TMEM47: variants seen among roughly 807,000 people sequenced by gnomAD.
TMEM47 encodes transmembrane protein 47, also known as brain cell membrane protein 1.
In TMEM47, 3 loss-of-function variants were observed where a neutral mutation model predicts 12.4. The ratio of observed to expected loss-of-function variants is 0.24; its 90% CI spans 0.11 to 0.63. The LOEUF is 0.63. Ranked by LOEUF, TMEM47 falls within the 20% of genes least tolerant of loss-of-function variation. The pLI is 0.86. For synonymous variants in TMEM47, 62 were observed against 63.3 expected, an observed-to-expected ratio of 0.98 and a Z score of 0.10; for missense variants, 89 against 143.8, an observed-to-expected ratio of 0.62 and a Z score of 1.95.
intron 2 of TMEM47, among the ~76,000 whole-genome samples, chrX:34,633,436 A>G (rs936388863): frequency 9.0e-6 from 1 of 111,275 alleles, no homozygotes; most frequent in African/African-American, 3.3e-5. Flanking sequence ...TATCTGGTGC[A>G]CTGGAACAGA....
At chrX:34,639,525 G>A in intron 1 of TMEM47, 138 bp from the exon 2 acceptor site, 1 of 632,662 alleles carries the variant, frequency 1.6e-6, no homozygotes, top group South Asian at 3.2e-5. Context: ...GGTTTGAAAT[G>A]TTTTGCAACA....
At chrX:34,636,298 G>C (rs1921715215) in intron 2 of TMEM47, among the ~76,000 whole-genome samples, 1 of 111,311 alleles carries the variant, frequency 9.0e-6, no homozygotes, top group South Asian at 3.8e-4. Context: ...ATCAGCTGCA[G>C]GACCCTGAAA....
At chrX:34,651,037 T>A (rs1922009664) in intron 1 of TMEM47, among the ~76,000 whole-genome samples, 1 of 111,808 alleles carries the variant, frequency 8.9e-6, no homozygotes, top group South Asian at 3.8e-4. Flanking sequence ...AGAATGCAGA[T>A]TTGCAGTTAG....
intron 2 of TMEM47, among the ~76,000 whole-genome samples, chrX:34,637,693 T>A (rs1291743466): frequency 1.8e-5 from 2 of 111,015 alleles, no homozygotes; most frequent in African/African-American, 6.6e-5. Context: ...GTCATTTTTA[T>A]ATCATTCATT....
At chrX:34,639,963 C>A (rs1921786499) in intron 1 of TMEM47, among the ~76,000 whole-genome samples, 1 of 111,396 alleles carries the variant, frequency 9.0e-6, no homozygotes, top group South Asian at 3.8e-4. Flanking sequence ...TTAAGTTTCT[C>A]ATATTCATCC....
chrX:34,635,039 A>G (rs1921690883), intron 2 of TMEM47, among the ~76,000 whole-genome samples: 2 of 111,610 alleles, frequency 1.8e-5, no homozygotes, highest in Non-Finnish European at 3.8e-5. Flanking sequence ...CTGACTTCCA[A>G]TTGCCAGCAC....
chrX:34,627,610 A>G lies in TMEM47; in HGVS notation c.*2703T>C, dbSNP rs943763515. The G allele has an allele frequency of 8.9e-6, 1 of 112,161 alleles. No individual in the cohort carries two copies. The highest frequency in any genetic ancestry group is 3.2e-5 in the African/African-American group (1 of 30,864). 9.2% of individuals were successfully genotyped at this position (112,161 alleles called of 1,213,427 possible). On this transcript the variant is annotated 3_prime_UTR_variant, in exon 3 of 3. Transcript: ENST00000275954. ...TACATGTTGAACTTACAAAAAGCTA[A>G]ATAATTGTGCAAGAAATCGGAATAA...
rs770966610 is a variant in TMEM47, at chrX:34,636,530, A to G, written c.367+2717T>C. On this transcript the variant is annotated intron_variant, in intron 2 of 2. Transcript: ENST00000275954. ...TGACCTGCGGATAGTTCAAAAGTAG[A>G]CAATAAAAGAAGAGAACGTGGCAAG... Among the ~76,000 whole-genome samples the G allele has an allele frequency of 1.3e-4, 15 of 112,151 alleles. No individual in the cohort carries two copies. In the South Asian group the frequency reaches 5.6e-3, roughly 42 times the overall value.
chrX:34,652,602 A>T (rs1299765769), intron 1 of TMEM47, among the ~76,000 whole-genome samples: 3 of 112,226 alleles, frequency 2.7e-5, no homozygotes, highest in African/African-American at 9.7e-5. Flanking sequence ...TGAGCAAAAG[A>T]GAAATTATAT....
In TMEM47 at chrX:34,630,163, G is replaced by A. The variant is rs10522027; in HGVS notation, c.*150C>T. 0.17 allele frequency: 88,086 copies of A among 525,871 alleles called. 6,739 individuals carry two copies. The highest frequency in any genetic ancestry group is 0.46 in the East Asian group (12,631 of 27,712). The allele number at this position is 525,871 out of a possible 1,213,427, so 43.3% of individuals were successfully genotyped here. A position where few individuals can be genotyped will look rare whatever the true frequency, so the allele number is the denominator to read the frequency against. On this transcript the variant is annotated 3_prime_UTR_variant, in exon 3 of 3. Coordinates refer to ENST00000275954, the MANE Select transcript of TMEM47 (RefSeq NM_031442.4). ...AATGGATGTAAAAGCTGGTTATGAT[G>A]TTGACAGCCAAAAGGCAAAAAAGAT...
intron 1 of TMEM47, among the ~76,000 whole-genome samples, chrX:34,652,060 A>C (rs928810154): frequency 1.8e-5 from 2 of 112,236 alleles, no homozygotes; most frequent in African/African-American, 6.5e-5. Context: ...GAGGACATTA[A>C]GTTGTATGAG....
chrX:34,634,894 A>G (rs775422352), intron 2 of TMEM47, among the ~76,000 whole-genome samples: 2 of 112,575 alleles, frequency 1.8e-5, no homozygotes, highest in South Asian at 7.4e-4. Flanking sequence ...AGTTCATACT[A>G]TAATACCATA....
intron 2 of TMEM47, among the ~76,000 whole-genome samples, chrX:34,634,445 G>A (rs1921677990): frequency 9.2e-6 from 1 of 108,489 alleles, no homozygotes. Context: ...TTCTAAGAAG[G>A]ACATTTCACT....
chrX:34,640,372 T>G (rs909263722), intron 1 of TMEM47, among the ~76,000 whole-genome samples: 3 of 112,214 alleles, frequency 2.7e-5, no homozygotes, highest in Non-Finnish European at 5.6e-5. Flanking sequence ...TGAAATGCAT[T>G]CATTTCTTAT....
chrX:34,644,664 C>G (rs72626892), intron 1 of TMEM47, among the ~76,000 whole-genome samples: 5,066 of 111,393 alleles, frequency 0.045, 247 homozygotes, highest in African/African-American at 0.15. Context: ...GCACATAATG[C>G]CTATTTCCTT....
Position 34,627,811 on chromosome X carries a change from T to A in TMEM47, c.*2502A>T, listed in dbSNP as rs989480486. 4.5e-5 allele frequency: 5 copies of A among 112,075 alleles called. No homozygotes were observed. The highest frequency in any genetic ancestry group is 1.6e-4 in the African/African-American group (5 of 30,814). 9.2% of individuals were successfully genotyped at this position (112,075 alleles called of 1,213,427 possible). Reference sequence around the variant, plus strand: ...TAAAGCTGCAAAGACATAATGTTAATGTAGGTGAAAATTTCACTTGTGTTT... The same window carrying A: ...TAAAGCTGCAAAGACATAATGTTAAAGTAGGTGAAAATTTCACTTGTGTTT... On this transcript the variant is annotated 3_prime_UTR_variant, in exon 3 of 3. Transcript: ENST00000275954.
chrX:34,644,558 T>C (rs1921876774), intron 1 of TMEM47, among the ~76,000 whole-genome samples: 1 of 112,290 alleles, frequency 8.9e-6, no homozygotes, highest in Non-Finnish European at 1.9e-5. Flanking sequence ...TCACCTCATT[T>C]AGAAACCTTT....
intron 1 of TMEM47, among the ~76,000 whole-genome samples, chrX:34,655,299 T>C (rs766510099): frequency 1.5e-4 from 17 of 111,826 alleles, no homozygotes; most frequent in African/African-American, 5.2e-4. Flanking sequence ...AATTTTATTA[T>C]TGAAGAGGGG....
At chrX:34,653,601 A>G (rs1175894550) in intron 1 of TMEM47, among the ~76,000 whole-genome samples, 1 of 111,996 alleles carries the variant, frequency 8.9e-6, no homozygotes, top group Non-Finnish European at 1.9e-5. Context: ...AGCATTCTGT[A>G]TACACTTGTG....
Sources: allele counts gnomAD v4.1 joint callset (sites outside exome capture counted in the v4.1 genomes callset), GRCh38; gene constraint gnomAD v4.1.1; transcripts MANE v1.5; gene names NCBI Gene and HGNC (gene_info 2026-07-23, HGNC 2026-07-21).